AHI1: variants seen among roughly 807,000 people sequenced by gnomAD.
AHI1 encodes jouberin.
AHI1 carries 123 observed loss-of-function variants against 149.3 expected under a neutral mutation model. The ratio of observed to expected loss-of-function variants is 0.82; its 90% CI spans 0.71 to 0.96. The LOEUF is 0.96. Among genes scored for constraint, AHI1 ranks in the 40% least tolerant of loss-of-function variants. The pLI is 0.00. For missense variants in AHI1, 1,439 were observed against 1,422.7 expected (o/e 1.01, Z -0.18); for synonymous variants, 475 against 459.8 (o/e 1.03, Z -0.42).
chr6:135,443,344 T>C (rs928170988), intron 13 of AHI1, among the ~76,000 whole-genome samples: 2 of 152,180 alleles, frequency 1.3e-5, no homozygotes, highest in African/African-American at 2.4e-5. Flanking sequence ...AAAATACCAG[T>C]TACGTTTATT....
chr6:135,465,783 G>C, intron 7 of AHI1, 31 bp downstream of exon 7: 1 of 1,426,420 alleles, frequency 7.0e-7, no homozygotes. Context: ...TTTTCTAAGA[G>C]GATATTTTAC....
At chr6:135,352,711 A>AT (rs1332734578) in intron 24 of AHI1, among the ~76,000 whole-genome samples, 1 of 142,472 alleles carries the variant, frequency 7.0e-6, no homozygotes, top group Non-Finnish European at 1.5e-5. Context: ...GTATATATAT[A>AT]TACACACACA....
chr6:135,341,317 C>T (rs1420336081), intron 24 of AHI1, among the ~76,000 whole-genome samples: 1 of 151,786 alleles, frequency 6.6e-6, no homozygotes, highest in Non-Finnish European at 1.5e-5. Flanking sequence ...TAATATCAGG[C>T]AAAATAGACT....
chr6:135,300,630 T>G (rs1783751890), intron 26 of AHI1, 72 bp from the exon 27 acceptor site: 1 of 1,547,008 alleles, frequency 6.5e-7, no homozygotes, highest in East Asian at 2.4e-5. Flanking sequence ...ATTCACATGC[T>G]GAAAACCCAC....
intron 23 of AHI1, among the ~76,000 whole-genome samples, chr6:135,365,334 T>C (rs1041404932): frequency 6.6e-6 from 1 of 152,190 alleles, no homozygotes; most frequent in Admixed American, 6.5e-5. Context: ...TGTTTTCTAG[T>C]TCTGCGAAAA....
chr6:135,391,254 T>C (rs1778437704), intron 23 of AHI1, among the ~76,000 whole-genome samples: 1 of 152,188 alleles, frequency 6.6e-6, no homozygotes, highest in Non-Finnish European at 1.5e-5. Context: ...TTCTTTTACC[T>C]AGAGCAGCAG....
At position 135,313,028 on chromosome 6, in the gene AHI1, T is replaced by G. The variant is rs555956284; in HGVS notation, c.3426+5491A>C. ...TTGATAAAATCAAACCATATATATT[T>G]TAATAAAGGAGCTAAATTTAAGAAA... On this transcript the variant is annotated intron_variant, in intron 26 of 28. Transcript: ENST00000265602. Among the ~76,000 whole-genome samples the G allele has an allele frequency of 2.0e-5, 3 of 152,328 alleles. No homozygotes were observed. The South Asian group carries it at 6.2e-4, about 32-fold the overall frequency.
In AHI1 at chr6:135,473,896, C is replaced by T. The variant is rs371888095; in HGVS notation, c.136-6262G>A. Among the ~76,000 whole-genome samples the T allele has an allele frequency of 2.0e-4, 30 of 152,222 alleles. No homozygotes were observed. The South Asian group carries it at 4.8e-3, about 24-fold the overall frequency. ...AATGGTTCTATTTATGATGGTTCAA[C>T]GTATGATTTTTTTTACTTTATGATG... On this transcript the variant is annotated intron_variant, in intron 5 of 28. Transcript: ENST00000265602.
At position 135,442,581 on chromosome 6, in the gene AHI1, C is replaced by T; in HGVS notation, c.1912+1G>A. 2 of 1,606,392 alleles carry T rather than the reference C, an allele frequency of 1.2e-6. No individual in the cohort carries two copies. The highest frequency in any genetic ancestry group is 1.7e-6 in the Non-Finnish European group (2 of 1,175,992). ...ATTAAACAGGTAGGATTATTACTCACAAATAATTGGATATCCATCCCGGCT... is the reference window on the plus strand; with the variant it reads ...ATTAAACAGGTAGGATTATTACTCATAAATAATTGGATATCCATCCCGGCT... On this transcript the variant is annotated splice_donor_variant, in intron 14 of 28. Coordinates refer to ENST00000265602, the MANE Select transcript of AHI1 (RefSeq NM_001134831.2). LOFTEE classifies it high-confidence loss of function.
intron 24 of AHI1, among the ~76,000 whole-genome samples, chr6:135,352,973 C>A (rs552417469): frequency 2.6e-5 from 4 of 151,400 alleles, no homozygotes; most frequent in Admixed American, 2.6e-4. Flanking sequence ...ATAAAATTTT[C>A]AGAATTTTAA....
intron 23 of AHI1, among the ~76,000 whole-genome samples, chr6:135,391,371 C>A (rs1420058084): frequency 6.6e-6 from 1 of 152,070 alleles, no homozygotes; most frequent in Non-Finnish European, 1.5e-5. Flanking sequence ...TGAAACTATT[C>A]CACCTCAGAT....
intron 5 of AHI1, 43 bp from the exon 6 acceptor site, chr6:135,467,677 AG>A (rs1451166230): frequency 7.2e-7 from 1 of 1,392,828 alleles, no homozygotes; most frequent in African/African-American, 1.4e-5. Flanking sequence ...AGCGTAGATT[AG>A]TTGTATCAAG....
chr6:135,463,135 C>T lies in AHI1; in HGVS notation c.921G>A (p.Lys307=). 4 of 1,576,286 alleles carry T rather than the reference C, an allele frequency of 2.5e-6. No individual in the cohort carries two copies. The highest frequency in any genetic ancestry group is 3.4e-6 in the Non-Finnish European group (4 of 1,163,492). The change falls in exon 8 of 29, where the codon AAG becomes AAA. Residue 307 remains lysine, a synonymous_variant. Coordinates refer to ENST00000265602, the MANE Select transcript of AHI1 (RefSeq NM_001134831.2). ...TKPKPKKTKK[K]TKAVADNNED... ...ATTTGTATAGCAAACCTGCTTTAGT[C>T]TTCTTTTTTGTTTTTTTTGGTTTAG...
chr6:135,342,915 T>C (rs1207663271), intron 24 of AHI1, among the ~76,000 whole-genome samples: 2 of 151,328 alleles, frequency 1.3e-5, no homozygotes, highest in African/African-American at 4.8e-5. Flanking sequence ...TTCAACATTG[T>C]ACTGGAGGTT....
intron 28 of AHI1, 57 bp from the exon 29 acceptor site, chr6:135,285,704 A>G: frequency 4.8e-6 from 7 of 1,464,572 alleles, no homozygotes; most frequent in Non-Finnish European, 6.6e-6. Flanking sequence ...TCTTCTGACT[A>G]CAACCAAATC....
At chr6:135,338,481 C>T (rs1270887369) in intron 24 of AHI1, among the ~76,000 whole-genome samples, 1 of 151,982 alleles carries the variant, frequency 6.6e-6, no homozygotes, top group Non-Finnish European at 1.5e-5. Context: ...TCTTCAGAAA[C>T]AAATGGAAAA....
chr6:135,332,837 G>A (rs527960369), intron 24 of AHI1, among the ~76,000 whole-genome samples: 17 of 152,080 alleles, frequency 1.1e-4, no homozygotes, highest in African/African-American at 1.7e-4. Flanking sequence ...TTCTCCCCCC[G>A]TTCCTTCTCT....
chr6:135,331,205 T>C (rs530833560), intron 24 of AHI1, among the ~76,000 whole-genome samples: 1 of 152,354 alleles, frequency 6.6e-6, no homozygotes, highest in South Asian at 2.1e-4. Flanking sequence ...AATCTTTCTG[T>C]GACAGAAGTT....
chr6:135,428,131 C>G (rs1784159032), intron 19 of AHI1, among the ~76,000 whole-genome samples: 1 of 151,508 alleles, frequency 6.6e-6, no homozygotes, highest in Non-Finnish European at 1.5e-5. Flanking sequence ...AAAGGTGAGG[C>G]ACAAGTGAGC....
Sources: gnomAD v4.1 joint callset for allele counts (sites outside exome capture counted in the v4.1 genomes callset) on GRCh38, gnomAD v4.1.1 for gene constraint, MANE v1.5 for transcripts, NCBI Gene and HGNC (gene_info 2026-07-23, HGNC 2026-07-21) for gene names.